The following ACACA variants were observed in gnomAD, a reference collection of about 807,000 sequenced individuals.
ACACA encodes acetyl-CoA carboxylase 1.
In ACACA, 103 loss-of-function variants were observed where a neutral mutation model predicts 296.1. The ratio of observed to expected loss-of-function variants is 0.35; its 90% CI spans 0.30 to 0.41. The LOEUF is 0.41. ACACA is among the 10% of genes least tolerant of loss of function. The probability of loss-of-function intolerance (pLI) is 1.00; values close to 1 mark genes in which losing one functional copy is unlikely to be tolerated. For missense variants in ACACA, 1,554 were observed against 2,989.7 expected, an observed-to-expected ratio of 0.52 and a Z score of 11.20; for synonymous variants, 953 against 1,038.6, an observed-to-expected ratio of 0.92 and a Z score of 1.58.
intron 3 of ACACA, among the ~76,000 whole-genome samples, chr17:37,295,781 T>G (rs1286480697): frequency 6.6e-6 from 1 of 151,716 alleles, no homozygotes; most frequent in Non-Finnish European, 1.5e-5. Flanking sequence ...AAAAATTAGC[T>G]GGGCGTGGTG....
In ACACA at chr17:37,200,163, G is replaced by C. The variant is rs1270234251; in HGVS notation, c.4134C>G (p.Asn1378Lys). The change falls in exon 35 of 56, where the codon AAC (asparagine) becomes AAG (lysine). Residue 1378 changes from asparagine (N) to lysine (K), a missense_variant. This residue lies in a region of ACACA where 179 missense variants were observed against 283.2 expected (regional missense o/e 0.63). Transcript: ENST00000616317. ...CATGAAATCTCCGATCCACCTCATA[G>C]TTGACCTGCTTTCTGAAATCCTTTC... ...VAQKDFRKQV[N>K]YEVDRRFHRE... 19 of 1,608,554 alleles carry C rather than the reference G, an allele frequency of 1.2e-5. No homozygotes were observed. The highest frequency in any genetic ancestry group is 1.5e-5 in the Non-Finnish European group (18 of 1,175,068).
chr17:37,191,187 T>G lies in ACACA; in HGVS notation c.4505A>C (p.Asn1502Thr). Reference sequence around the variant, plus strand: ...GATGTGGTTACAGTCAGTGCGGACATTTGTATTGTTAAAAGCAACTTCCAA... The same window carrying G: ...GATGTGGTTACAGTCAGTGCGGACAGTTGTATTGTTAAAAGCAACTTCCAA... ...DELEVAFNNTNVRTDCNHIFL... is the reference protein window; with the variant it reads ...DELEVAFNNTTVRTDCNHIFL... Residue 1502 changes from asparagine (N) to threonine (T), a missense_variant, in exon 38 of 56, where the codon AAT becomes ACT. Physicochemically the swap from Asn to Thr is moderately conservative, Grantham distance 65. This residue lies in a region of ACACA where 35 missense variants were observed against 131.8 expected (regional missense o/e 0.27). Coordinates refer to ENST00000616317, the MANE Select transcript of ACACA (RefSeq NM_198834.3). 6.2e-7 allele frequency: 1 copy of G among 1,614,114 alleles called. No individual in the cohort carries two copies. Among genetic ancestry groups the G allele is most frequent in the East Asian group, 2.2e-5 (1 of 44,886 alleles).
At chr17:37,320,744 C>T (rs1405645661) in intron 3 of ACACA, among the ~76,000 whole-genome samples, 3 of 151,554 alleles carry the variant, frequency 2.0e-5, no homozygotes, top group Non-Finnish European at 2.9e-5. Context: ...GTCAGGGGTT[C>T]GAGACCAGCC....
chr17:37,210,326 G>C, intron 30 of ACACA, 141 bp downstream of exon 30: 1 of 710,568 alleles, frequency 1.4e-6, no homozygotes. Context: ...GAATAATTTA[G>C]TATGTCCAAA....
chr17:37,391,716 T>C, intron 1 of ACACA: 1 of 1,613,692 alleles, frequency 6.2e-7, no homozygotes, highest in Non-Finnish European at 8.5e-7. Context: ...CCACCAGACA[T>C]ACTTCTGAAA....
At chr17:37,161,266 G>C (rs2144418185) in intron 42 of ACACA, among the ~76,000 whole-genome samples, 1 of 152,290 alleles carries the variant, frequency 6.6e-6, no homozygotes. Context: ...TCTGGAAGCA[G>C]CAATGAGGAT....
chr17:37,327,558 C>CA (rs1446859604), intron 3 of ACACA, among the ~76,000 whole-genome samples: 1 of 152,172 alleles, frequency 6.6e-6, no homozygotes, highest in East Asian at 1.9e-4. Flanking sequence ...ATAGACTTTG[C>CA]ATAAGAACCA....
Position 37,174,020 on chromosome 17 carries a change from A to ATTTTTTTT in ACACA, c.5079+5232_5079+5239dup, listed in dbSNP as rs71159693. On this transcript the variant is annotated intron_variant, in intron 41 of 55. Transcript: ENST00000616317. Reference sequence around the variant, plus strand: ...TATATATATATATATATATATATATATTTTTTTTTTTTTTTTTTTTTGTAG... The same window carrying ATTTTTTTT: ...TATATATATATATATATATATATATATTTTTTTTTTTTTTTTTTTTTTTTTTTTTGTAG... Among the ~76,000 whole-genome samples the ATTTTTTTT allele has an allele frequency of 7.4e-3, 125 of 16,788 alleles. 11 individuals are homozygous for ATTTTTTTT. The highest frequency in any genetic ancestry group is 0.028 in the African/African-American group (109 of 3,914). 11.0% of individuals were successfully genotyped at this position (16,788 alleles called of 152,430 possible).
At chr17:37,120,305 G>C (rs533963639) in intron 50 of ACACA, among the ~76,000 whole-genome samples, 1 of 151,474 alleles carries the variant, frequency 6.6e-6, no homozygotes, top group South Asian at 2.1e-4. Flanking sequence ...TTACCCTTTT[G>C]CCCAGGCTAA....
At chr17:37,201,131 G>A (rs1449926805) in intron 33 of ACACA, among the ~76,000 whole-genome samples, 6 of 152,122 alleles carry the variant, frequency 3.9e-5, no homozygotes, top group Non-Finnish European at 8.8e-5. Flanking sequence ...AGGCATAGGC[G>A]ACTAGTATAT....
chr17:37,374,503 T>A (rs1221831789), intron 1 of ACACA, among the ~76,000 whole-genome samples: 1 of 152,076 alleles, frequency 6.6e-6, no homozygotes, highest in Non-Finnish European at 1.5e-5. Flanking sequence ...GTCAGGCTGG[T>A]CTCGAACTCC....
chr17:37,315,909 C>T (rs570425756), intron 3 of ACACA, among the ~76,000 whole-genome samples: 1 of 152,238 alleles, frequency 6.6e-6, no homozygotes, highest in African/African-American at 2.4e-5. Flanking sequence ...CTTGCCCCTC[C>T]CTGGAGGTTA....
rs563378879 is a variant in ACACA, at chr17:37,315,073, C to T, written c.338+15100G>A. ...TCCCGGGTTCAAGCCATTCTCCTGC[C>T]TCAGCCTCCCGAGTAGCTGGGATTA... On this transcript the variant is annotated intron_variant, in intron 3 of 55. Transcript: ENST00000616317. Among the ~76,000 whole-genome samples, 28 of 151,256 alleles carry T rather than the reference C, an allele frequency of 1.9e-4. No homozygotes were observed. In the South Asian group the frequency reaches 5.8e-3, roughly 32 times the overall value.
At chr17:37,252,842 T>C in intron 15 of ACACA, 44 bp downstream of exon 15, 1 of 1,611,332 alleles carries the variant, frequency 6.2e-7, no homozygotes, top group Non-Finnish European at 8.5e-7. Context: ...TACACAAGTC[T>C]ATAAAAACCC....
intron 41 of ACACA, among the ~76,000 whole-genome samples, chr17:37,172,749 C>T (rs1382204997): frequency 6.6e-6 from 1 of 152,106 alleles, no homozygotes; most frequent in Non-Finnish European, 1.5e-5. Context: ...CATAATTATA[C>T]ATAATCATAT....
chr17:37,112,223 C>CA (rs1185165913), intron 51 of ACACA, among the ~76,000 whole-genome samples: 1 of 152,060 alleles, frequency 6.6e-6, no homozygotes, highest in Admixed American at 6.5e-5. Flanking sequence ...ACTTTTAGTG[C>CA]ATACTAATGA....
chr17:37,373,121 C>T (rs1351008400), intron 1 of ACACA, among the ~76,000 whole-genome samples: 1 of 152,150 alleles, frequency 6.6e-6, no homozygotes, highest in African/African-American at 2.4e-5. Flanking sequence ...CCTCGTGATC[C>T]ACCTGACTCA....
intron 5 of ACACA, among the ~76,000 whole-genome samples, chr17:37,281,019 T>C (rs1185551854): frequency 6.6e-6 from 1 of 152,000 alleles, no homozygotes; most frequent in African/African-American, 2.4e-5. Flanking sequence ...TACTCATTCT[T>C]GGTTAGACAT....
chr17:37,264,313 TC>T (rs1168706730), intron 10 of ACACA, among the ~76,000 whole-genome samples: 178 of 152,362 alleles, frequency 1.2e-3, no homozygotes, highest in African/African-American at 4.1e-3. Flanking sequence ...CAAAGGACTT[TC>T]ATCTTTAGTT....
Sources: allele counts gnomAD v4.1 joint callset (sites outside exome capture counted in the v4.1 genomes callset), GRCh38; gene constraint gnomAD v4.1.1; regional missense constraint gnomAD v4.1.1; transcripts MANE v1.5; gene names NCBI Gene and HGNC (gene_info 2026-07-23, HGNC 2026-07-21).